Variants in TLL1 observed in about 807,000 individuals in gnomAD.
The protein encoded by TLL1 is tolloid like 1, also known as tolloid-like protein 1.
TLL1 carries 49 observed loss-of-function variants against 128.2 expected under a neutral mutation model. The ratio of observed to expected loss-of-function variants is 0.38; its 90% CI spans 0.30 to 0.48. The LOEUF (loss-of-function observed/expected upper bound fraction) is 0.48. Among genes scored for constraint, TLL1 ranks in the 20% least tolerant of loss-of-function variants. TLL1 has a pLI of 0.96. For synonymous variants in TLL1, 454 were observed against 418.8 expected (o/e 1.08, Z -1.03); for missense variants, 1,123 against 1,242.0 (o/e 0.90, Z 1.44).
rs554217812 is a variant in TLL1 at position 166,009,596 on chromosome 4, C to T, written c.917+1548C>T. On this transcript the variant is annotated intron_variant, in intron 7 of 20. Transcript: ENST00000061240. The stretch of plus-strand genomic sequence containing the variant: ...CTTATCTTATTGTTTCAAAACCATC[C>T]TATGCATTTTTCATAAATAAACTCA... Among the ~76,000 whole-genome samples, 41 of 151,516 alleles carry T rather than the reference C, an allele frequency of 2.7e-4. 1 individual carries two copies. Among genetic ancestry groups the T allele is most frequent in the Non-Finnish European group, 5.6e-4 (38 of 67,548 alleles).
At chr4:165,989,253 A>G (rs895158548) in intron 1 of TLL1, 128 bp from the exon 2 acceptor site, 17 of 701,344 alleles carry the variant, frequency 2.4e-5, no homozygotes, top group Admixed American at 4.7e-5. Context: ...AGTTATGATT[A>G]CTTTCTGAAA....
chr4:165,928,219 G>A (rs371038733), intron 1 of TLL1, among the ~76,000 whole-genome samples: 10 of 152,260 alleles, frequency 6.6e-5, no homozygotes, highest in South Asian at 2.1e-4. Flanking sequence ...TGACTCAACC[G>A]GACTTGAGCA....
At chr4:166,020,714 G>A (rs1356470662) in intron 8 of TLL1, among the ~76,000 whole-genome samples, 2 of 152,016 alleles carry the variant, frequency 1.3e-5, no homozygotes, top group Non-Finnish European at 2.9e-5. Context: ...GCTTATAACT[G>A]TTTAGTATTT....
At chr4:165,878,396 C>G (rs921530826) in intron 1 of TLL1, among the ~76,000 whole-genome samples, 1 of 151,674 alleles carries the variant, frequency 6.6e-6, no homozygotes. Flanking sequence ...CCTTGGGTGC[C>G]AACTCAGAAG....
rs551824755 is a variant in TLL1, at chr4:165,915,923, T to TA, written c.169+41857dup. The stretch of plus-strand genomic sequence containing the variant: ...ATATTAATTACCATTCAAAATCACT[T>TA]AAAAAAAGATGACTATCCAAAATGC... On this transcript the variant is annotated intron_variant, in intron 1 of 20. Coordinates refer to ENST00000061240, the MANE Select transcript of TLL1 (RefSeq NM_012464.5). Among the ~76,000 whole-genome samples, 114 of 152,198 alleles carry TA rather than the reference T, an allele frequency of 7.5e-4. 1 individual carries two copies. Among genetic ancestry groups the TA allele is most frequent in the Middle Eastern group, 3.4e-3 (1 of 294 alleles).
chr4:166,038,884 GTT>G (rs1261531958), intron 9 of TLL1, among the ~76,000 whole-genome samples: 1 of 152,176 alleles, frequency 6.6e-6, no homozygotes, highest in East Asian at 1.9e-4. Flanking sequence ...GCACATGGTG[GTT>G]ATTTTTAACA....
rs146286966 is a variant in TLL1, at chr4:166,077,128, A to G, written c.2315-775A>G. Among the ~76,000 whole-genome samples the G allele has an allele frequency of 2.0e-5, 3 of 152,286 alleles. No individual in the cohort carries two copies. In the East Asian group the frequency reaches 5.8e-4, roughly 29 times the overall value. Reference sequence around the variant, plus strand: ...AAGGTTGTATGTTATAGAGCTTCCTAAATTATATAGAAAGAGCACAGCTTG... The same window carrying G: ...AAGGTTGTATGTTATAGAGCTTCCTGAATTATATAGAAAGAGCACAGCTTG... On this transcript the variant is annotated intron_variant, in intron 17 of 20. Coordinates refer to ENST00000061240, the MANE Select transcript of TLL1 (RefSeq NM_012464.5).
chr4:166,069,668 A>G (rs1740722765), intron 16 of TLL1, among the ~76,000 whole-genome samples: 1 of 151,750 alleles, frequency 6.6e-6, no homozygotes, highest in Non-Finnish European at 1.5e-5. Flanking sequence ...TAAAACAAAC[A>G]CTTTTTAGAT....
intron 1 of TLL1, among the ~76,000 whole-genome samples, chr4:165,917,466 C>G (rs944272387): frequency 3.3e-5 from 5 of 151,982 alleles, no homozygotes; most frequent in African/African-American, 1.2e-4. Context: ...TCCTATGGCT[C>G]TTAGTATTTA....
At chr4:165,936,454 C>T (rs921999195) in intron 1 of TLL1, among the ~76,000 whole-genome samples, 15 of 151,266 alleles carry the variant, frequency 9.9e-5, no homozygotes, top group South Asian at 2.1e-4. Context: ...TCAGGTGATC[C>T]GCCTGCCTCG....
chr4:165,889,799 T>C (rs1186483393), intron 1 of TLL1, among the ~76,000 whole-genome samples: 1 of 152,122 alleles, frequency 6.6e-6, no homozygotes, highest in Non-Finnish European at 1.5e-5. Flanking sequence ...ATTAATAAGG[T>C]TTCCATTTTT....
At chr4:165,950,757 T>A (rs1734473032) in intron 1 of TLL1, among the ~76,000 whole-genome samples, 1 of 152,104 alleles carries the variant, frequency 6.6e-6, no homozygotes, top group South Asian at 2.1e-4. Flanking sequence ...TTTGTGATGT[T>A]GCTAAAACAG....
At chr4:166,097,335 C>T (rs1050464350) in intron 19 of TLL1, among the ~76,000 whole-genome samples, 1 of 152,048 alleles carries the variant, frequency 6.6e-6, no homozygotes, top group Non-Finnish European at 1.5e-5. Flanking sequence ...ATTGGTATTC[C>T]AGCTTTCAGG....
intron 15 of TLL1, among the ~76,000 whole-genome samples, chr4:166,062,489 G>T (rs1391258424): frequency 6.6e-6 from 1 of 152,158 alleles, no homozygotes; most frequent in African/African-American, 2.4e-5. Context: ...AATTGTGAAT[G>T]GAAGTTCACT....
At chr4:165,905,789 G>C (rs1240921310) in intron 1 of TLL1, among the ~76,000 whole-genome samples, 2 of 152,192 alleles carry the variant, frequency 1.3e-5, no homozygotes, top group Admixed American at 6.6e-5. Flanking sequence ...GAAGTGAAGA[G>C]AAGGTGTCTG....
At chr4:165,911,671 T>C (rs973684474) in intron 1 of TLL1, among the ~76,000 whole-genome samples, 3 of 152,172 alleles carry the variant, frequency 2.0e-5, no homozygotes, top group African/African-American at 7.2e-5. Context: ...AAGTTAACTT[T>C]TTTAGTTAAC....
chr4:165,976,270 A>T (rs13128596), intron 1 of TLL1, among the ~76,000 whole-genome samples: 82,538 of 151,940 alleles, frequency 0.54, 25,759 homozygotes, highest in Admixed American at 0.7. Context: ...ATACAGGATC[A>T]AAGTATAACA....
At position 166,025,323 on chromosome 4, in the gene TLL1, A is replaced by G. The variant is rs1227939208; in HGVS notation, c.1050A>G (p.Gly350=). The G allele has an allele frequency of 1.2e-6, 2 of 1,611,356 alleles. No individual in the cohort carries two copies. Among genetic ancestry groups the G allele is most frequent in the Non-Finnish European group, 1.7e-6 (2 of 1,177,568 alleles). Reference sequence around the variant, plus strand: ...ATATTTTTTTCCTTTCAGCATGTGGAGAAACTCTACAAGAATCCAATGGCA... The same window carrying G: ...ATATTTTTTTCCTTTCAGCATGTGGGGAAACTCTACAAGAATCCAATGGCA... ...ARKLYRCPAC[G]ETLQESNGNL... Residue 350 remains glycine, a synonymous_variant, in exon 9 of 21, where the codon GGA becomes GGG. Transcript: ENST00000061240.
chr4:165,874,373 G>A (rs1297885085), intron 1 of TLL1, among the ~76,000 whole-genome samples: 2 of 152,170 alleles, frequency 1.3e-5, no homozygotes, highest in East Asian at 3.9e-4. Flanking sequence ...GAAACAAGTC[G>A]TAAATATAGC....
Sources: gnomAD v4.1 joint callset for allele counts (sites outside exome capture counted in the v4.1 genomes callset) on GRCh38, gnomAD v4.1.1 for gene constraint, MANE v1.5 for transcripts, NCBI Gene and HGNC (gene_info 2026-07-23, HGNC 2026-07-21) for gene names.